The following SLC24A2 variants were observed in gnomAD, a reference collection of about 807,000 sequenced individuals.
SLC24A2 encodes the protein solute carrier family 24 member 2.
A neutral mutation model predicts 62.0 loss-of-function variants in SLC24A2; 36 were observed. The ratio of observed to expected loss-of-function variants is 0.58; its 90% CI spans 0.44 to 0.77. The LOEUF (loss-of-function observed/expected upper bound fraction) is 0.77. SLC24A2 is among the 30% of genes least tolerant of loss of function. The pLI, the probability that SLC24A2 is intolerant of heterozygous loss-of-function variation, is 0.00. For synonymous variants in SLC24A2, 358 were observed against 294.0 expected (o/e 1.22, Z -2.23); for missense variants, 846 against 817.9 (o/e 1.03, Z -0.42).
rs938348592 is a variant in SLC24A2 at position 19,512,337 on chromosome 9, T to C, written c.*3816A>G. 7 of 152,262 alleles carry C rather than the reference T, an allele frequency of 4.6e-5. No homozygotes were observed. Among genetic ancestry groups the C allele is most frequent in the Non-Finnish European group, 8.8e-5 (6 of 68,046 alleles). 9.4% of individuals were successfully genotyped at this position (152,262 alleles called of 1,614,324 possible). On this transcript the variant is annotated 3_prime_UTR_variant, in exon 11 of 11. Coordinates refer to ENST00000341998, the MANE Select transcript of SLC24A2 (RefSeq NM_020344.4). ...CTGTTAGAAGCCTTACAAAGCATTT[T>C]TCCTGAATATAAAACAGTCTCCGCC...
chr9:20,017,524 G>T, the SLC24A2 span, among the ~76,000 whole-genome samples: 2 of 152,106 alleles, frequency 1.3e-5, no homozygotes, highest in Non-Finnish European at 2.9e-5. Context: ...ATATGAAAGG[G>T]TGTTTATTAG....
the SLC24A2 span, among the ~76,000 whole-genome samples, chr9:19,860,146 C>A: frequency 2.1e-4 from 32 of 152,134 alleles, no homozygotes; most frequent in African/African-American, 6.0e-4. Context: ...TCATCCCTCC[C>A]CTAACCCTAA....
At chr9:19,985,877 G>C in the SLC24A2 span, among the ~76,000 whole-genome samples, 1 of 152,048 alleles carries the variant, frequency 6.6e-6, no homozygotes, top group Non-Finnish European at 1.5e-5. Context: ...ACAGATTGTT[G>C]AATTTAACAC....
the SLC24A2 span, among the ~76,000 whole-genome samples, chr9:20,222,106 G>C: frequency 6.6e-6 from 1 of 151,912 alleles, no homozygotes; most frequent in South Asian, 2.1e-4. Flanking sequence ...TATCTGGCAA[G>C]AAAATATAAA....
At chr9:19,567,935 G>T (rs1330428387) in intron 7 of SLC24A2, among the ~76,000 whole-genome samples, 2 of 152,174 alleles carry the variant, frequency 1.3e-5, no homozygotes, top group Non-Finnish European at 2.9e-5. Context: ...CTGTATGGCA[G>T]AAACCTCTCG....
chr9:20,243,801 C>T, the SLC24A2 span, among the ~76,000 whole-genome samples: 1 of 152,166 alleles, frequency 6.6e-6, no homozygotes, highest in Non-Finnish European at 1.5e-5. Context: ...CTTCCAGTAG[C>T]TTGCCTCCTG....
the SLC24A2 span, among the ~76,000 whole-genome samples, chr9:19,909,542 G>C: frequency 1.3e-5 from 2 of 151,988 alleles, no homozygotes; most frequent in African/African-American, 4.8e-5. Context: ...AAAGGTTTTG[G>C]GGTTTAAGGG....
chr9:20,304,731 GC>G, the SLC24A2 span, among the ~76,000 whole-genome samples: 1 of 152,202 alleles, frequency 6.6e-6, no homozygotes, highest in Non-Finnish European at 1.5e-5. Context: ...AAATGAGATA[GC>G]CCTGGACTAT....
chr9:19,744,267 C>G (rs1821764230), intron 2 of SLC24A2, among the ~76,000 whole-genome samples: 2 of 152,160 alleles, frequency 1.3e-5, no homozygotes, highest in South Asian at 4.1e-4. Context: ...TATTTTCTCC[C>G]TCACCATATC....
chr9:20,194,803 C>A, the SLC24A2 span, among the ~76,000 whole-genome samples: 3 of 151,928 alleles, frequency 2.0e-5, no homozygotes, highest in African/African-American at 2.4e-5. Context: ...ACACCTGGAT[C>A]AAGTAAAACA....
chr9:19,686,541 A>C (rs1376698184), intron 2 of SLC24A2, among the ~76,000 whole-genome samples: 1 of 152,104 alleles, frequency 6.6e-6, no homozygotes, highest in Non-Finnish European at 1.5e-5. Context: ...GAGGGAGCCC[A>C]TGGGAGGTAA....
At chr9:19,728,215 T>C (rs912281550) in intron 2 of SLC24A2, among the ~76,000 whole-genome samples, 4 of 151,902 alleles carry the variant, frequency 2.6e-5, no homozygotes, top group Non-Finnish European at 4.4e-5. Flanking sequence ...AGTTCCTCTA[T>C]CTCTTGGGTA....
chr9:20,012,311 A>G, the SLC24A2 span, among the ~76,000 whole-genome samples: 1 of 152,148 alleles, frequency 6.6e-6, no homozygotes, highest in Non-Finnish European at 1.5e-5. Flanking sequence ...AAGAGACAAG[A>G]GCTTGTGCAG....
At chr9:19,916,215 T>C in the SLC24A2 span, among the ~76,000 whole-genome samples, 185 of 152,160 alleles carry the variant, frequency 1.2e-3, 2 homozygotes, top group Non-Finnish European at 2.0e-3. Flanking sequence ...TTATTGACCA[T>C]ACATGTATGG....
chr9:19,788,294 C>A (rs1418795752), intron 1 of SLC24A2, among the ~76,000 whole-genome samples: 2 of 152,202 alleles, frequency 1.3e-5, no homozygotes, highest in Non-Finnish European at 2.9e-5. Flanking sequence ...TCACAGCACT[C>A]AGGGGATTGT....
intron 4 of SLC24A2, among the ~76,000 whole-genome samples, chr9:19,601,666 T>C (rs1322690491): frequency 6.6e-6 from 1 of 152,146 alleles, no homozygotes; most frequent in Non-Finnish European, 1.5e-5. Flanking sequence ...TTTTTCCTTT[T>C]TCACAAAGTC....
At chr9:19,868,096 T>G in the SLC24A2 span, among the ~76,000 whole-genome samples, 1 of 152,046 alleles carries the variant, frequency 6.6e-6, no homozygotes, top group Non-Finnish European at 1.5e-5. Context: ...TTTGAGATCT[T>G]TCTTCTTTCT....
chr9:20,154,701 G>C, the SLC24A2 span, among the ~76,000 whole-genome samples: 1 of 151,478 alleles, frequency 6.6e-6, no homozygotes, highest in Non-Finnish European at 1.5e-5. Context: ...TGGGCTCCAT[G>C]TAACAGAATA....
the SLC24A2 span, among the ~76,000 whole-genome samples, chr9:20,111,966 A>G: frequency 6.6e-6 from 1 of 152,210 alleles, no homozygotes; most frequent in East Asian, 1.9e-4. Flanking sequence ...AACATTTGGA[A>G]GAAACAGAGG....
Sources: allele counts gnomAD v4.1 joint callset (sites outside exome capture counted in the v4.1 genomes callset), GRCh38; gene constraint gnomAD v4.1.1; transcripts MANE v1.5; gene names NCBI Gene and HGNC (gene_info 2026-07-23, HGNC 2026-07-21).